Variants in SDHAF4 observed in about 807,000 individuals in gnomAD.
SDHAF4 encodes the protein succinate dehydrogenase complex assembly factor 4.
In SDHAF4, 14 loss-of-function variants were observed where a neutral mutation model predicts 14.3. The observed-to-expected ratio is 0.98, with a 90% CI of 0.65 to 1.53. The LOEUF is 1.53. Ranked by LOEUF, SDHAF4 falls within the 40% of genes most tolerant of loss-of-function variation. The probability of loss-of-function intolerance (pLI) is 0.00; values close to 1 mark genes in which losing one functional copy is unlikely to be tolerated. For synonymous variants in SDHAF4, 63 were observed against 47.3 expected, an observed-to-expected ratio of 1.33 and a Z score of -1.36; for missense variants, 141 against 129.3, an observed-to-expected ratio of 1.09 and a Z score of -0.44.
intron 2 of SDHAF4, among the ~76,000 whole-genome samples, chr6:70,588,242 T>A (rs977467607): frequency 6.6e-6 from 1 of 152,228 alleles, no homozygotes; most frequent in Non-Finnish European, 1.5e-5. Flanking sequence ...GACCATAGGC[T>A]GGTCTCGGCG....
downstream of SDHAF4, among the ~76,000 whole-genome samples, chr6:70,591,108 C>G (rs1447474940): frequency 6.6e-6 from 1 of 152,080 alleles, no homozygotes; most frequent in Non-Finnish European, 1.5e-5. Context: ...CTGAGTTCAC[C>G]AGTTCCAATG....
downstream of SDHAF4, among the ~76,000 whole-genome samples, chr6:70,591,873 G>A (rs775196269): frequency 6.6e-6 from 1 of 152,210 alleles, no homozygotes; most frequent in South Asian, 2.1e-4. Context: ...TTTAAGAGGT[G>A]ATTGGCCTTT....
chr6:70,582,760 C>G (rs1765147578), intron 2 of SDHAF4, among the ~76,000 whole-genome samples: 1 of 152,132 alleles, frequency 6.6e-6, no homozygotes, highest in Non-Finnish European at 1.5e-5. Context: ...ACTCATCCTA[C>G]CAGTAGGGCC....
In SDHAF4 at chr6:70,568,962, C is replaced by CTTTTTTTTTTTTTTTTTT. The variant is rs5877254; in HGVS notation, c.64+1962_64+1979dup. On this transcript the variant is annotated intron_variant, in intron 1 of 2. Transcript: ENST00000370474. ...TTTGTGAAATACCTCTTTCTTTTTTCTTTTTTTTTTTTTTTTTTTTTGAGG... is the reference window on the plus strand; with the variant it reads ...TTTGTGAAATACCTCTTTCTTTTTTCTTTTTTTTTTTTTTTTTTTTTTTTTTTTTTTTTTTTTTTGAGG... Among the ~76,000 whole-genome samples, 19 of 97,982 alleles carry CTTTTTTTTTTTTTTTTTT rather than the reference C, an allele frequency of 1.9e-4. 1 individual carries two copies. The highest frequency in any genetic ancestry group is 7.2e-4 in the African/African-American group (17 of 23,742). 64.3% of individuals were successfully genotyped at this position (97,982 alleles called of 152,430 possible).
chr6:70,593,348 A>G (rs1765275622), downstream of SDHAF4, among the ~76,000 whole-genome samples: 1 of 152,246 alleles, frequency 6.6e-6, no homozygotes, highest in Admixed American at 6.5e-5. Context: ...ACTTACTGCA[A>G]GGGCACAACC....
chr6:70,587,454 T>G (rs1375577344), intron 2 of SDHAF4, among the ~76,000 whole-genome samples: 1 of 152,148 alleles, frequency 6.6e-6, no homozygotes, highest in Admixed American at 6.5e-5. Context: ...ATCACGCCAC[T>G]CCACTACTCC....
At chr6:70,596,328 T>C in the SDHAF4 span, 6 of 152,208 alleles carry the variant, frequency 3.9e-5, no homozygotes, top group African/African-American at 1.2e-4. Context: ...TGGGCAACAT[T>C]GGCTCAAGGA....
chr6:70,597,593 A>C, the SDHAF4 span, among the ~76,000 whole-genome samples: 1 of 152,128 alleles, frequency 6.6e-6, no homozygotes, highest in Non-Finnish European at 1.5e-5. Context: ...AGGTGACTAT[A>C]CTTCACGCCA....
intron 1 of SDHAF4, among the ~76,000 whole-genome samples, chr6:70,567,936 C>T (rs922877305): frequency 1.3e-5 from 2 of 152,260 alleles, no homozygotes; most frequent in South Asian, 2.1e-4. Flanking sequence ...CCGCTCGCCT[C>T]GGCCTCCCAA....
At chr6:70,585,624 T>C (rs1436908723) in intron 2 of SDHAF4, among the ~76,000 whole-genome samples, 1 of 152,090 alleles carries the variant, frequency 6.6e-6, no homozygotes, top group African/African-American at 2.4e-5. Context: ...CAGAGATATG[T>C]GAGAAAGAAG....
chr6:70,570,999 A>G (rs1324602128), intron 1 of SDHAF4, among the ~76,000 whole-genome samples: 1 of 152,124 alleles, frequency 6.6e-6, no homozygotes, highest in African/African-American at 2.4e-5. Flanking sequence ...GTGAAATAAA[A>G]TTTCATGGAA....
intron 2 of SDHAF4, among the ~76,000 whole-genome samples, chr6:70,583,344 C>T (rs1306322674): frequency 6.6e-6 from 1 of 152,140 alleles, no homozygotes; most frequent in Admixed American, 6.6e-5. Context: ...AACTCCTGAC[C>T]TCAGGTGATC....
intron 1 of SDHAF4, among the ~76,000 whole-genome samples, chr6:70,570,579 C>T (rs1017544653): frequency 6.6e-6 from 1 of 151,856 alleles, no homozygotes; most frequent in Non-Finnish European, 1.5e-5. Flanking sequence ...GGATTACAGG[C>T]GAGAGCCACC....
chr6:70,588,348 C>G (rs1421449407), intron 2 of SDHAF4, among the ~76,000 whole-genome samples: 1 of 152,094 alleles, frequency 6.6e-6, no homozygotes, highest in Non-Finnish European at 1.5e-5. Flanking sequence ...GGTGAAACCC[C>G]TTCTCTACTA....
chr6:70,595,342 A>T, the SDHAF4 span, among the ~76,000 whole-genome samples: 29,297 of 152,124 alleles, frequency 0.19, 3,202 homozygotes, highest in African/African-American at 0.28. Flanking sequence ...ACTTGAGAAG[A>T]TTGTACGGAG....
intron 1 of SDHAF4, among the ~76,000 whole-genome samples, chr6:70,569,184 T>C (rs1235099729): frequency 1.3e-5 from 2 of 151,742 alleles, no homozygotes; most frequent in African/African-American, 4.8e-5. Context: ...CAGGATGGTC[T>C]CGATCTCCTG....
intron 2 of SDHAF4, among the ~76,000 whole-genome samples, chr6:70,581,573 ATTTTTGTGTGTG>A (rs892230134): frequency 7.9e-5 from 12 of 151,928 alleles, no homozygotes; most frequent in African/African-American, 2.7e-4. Flanking sequence ...CATTAGTTTC[ATTTTTGTGTGTG>A]TATGTATGTG....
At chr6:70,571,644 C>G (rs1309045177) in intron 1 of SDHAF4, among the ~76,000 whole-genome samples, 1 of 152,154 alleles carries the variant, frequency 6.6e-6, no homozygotes, top group African/African-American at 2.4e-5. Flanking sequence ...GTTATTCTAG[C>G]CTCATATAAT....
chr6:70,568,964 T>TTC (rs1554182557), intron 1 of SDHAF4, among the ~76,000 whole-genome samples: 2 of 90,924 alleles, frequency 2.2e-5, no homozygotes, highest in Non-Finnish European at 4.6e-5. Flanking sequence ...TCTTTTTTCT[T>TTC]TTTTTTTTTT....
Sources: gnomAD v4.1 joint callset for allele counts (sites outside exome capture counted in the v4.1 genomes callset) on GRCh38, gnomAD v4.1.1 for gene constraint, MANE v1.5 for transcripts, NCBI Gene and HGNC (gene_info 2026-07-23, HGNC 2026-07-21) for gene names.